The following FGD1 variants were observed in gnomAD, a reference collection of about 807,000 sequenced individuals.
The protein encoded by FGD1 is FYVE, RhoGEF and PH domain containing 1, also known as FYVE, RhoGEF and PH domain-containing protein 1.
FGD1 carries 12 observed loss-of-function variants against 65.0 expected under a neutral mutation model. That is an observed-to-expected ratio of 0.18 (90% confidence interval 0.12 to 0.30). The LOEUF (loss-of-function observed/expected upper bound fraction) is 0.30, where lower values mean the gene tolerates loss of function less well. Ranked by LOEUF, FGD1 falls within the 10% of genes least tolerant of loss-of-function variation. The pLI is 1.00. For synonymous variants in FGD1, 333 were observed against 343.9 expected (o/e 0.97, Z 0.35); for missense variants, 542 against 837.6 (o/e 0.65, Z 4.36).
chrX:54,466,745 T>C (rs1481493917), intron 6 of FGD1, among the ~76,000 whole-genome samples: 1 of 91,773 alleles, frequency 1.1e-5, no homozygotes, highest in Non-Finnish European at 2.0e-5. Flanking sequence ...TGGTACTGTT[T>C]TGTTTGTTTG....
chrX:54,446,046 G>T lies in FGD1; in HGVS notation c.*63C>A. 1.1e-6 allele frequency: 1 copy of T among 932,834 alleles called. No individual in the cohort carries two copies. Among genetic ancestry groups the T allele is most frequent in the South Asian group, 2.2e-5 (1 of 44,690 alleles). The allele number at this position is 932,834 out of a possible 1,213,427, so 76.9% of individuals were successfully genotyped here. On this transcript the variant is annotated 3_prime_UTR_variant, in exon 18 of 18. Coordinates refer to ENST00000375135, the MANE Select transcript of FGD1 (RefSeq NM_004463.3). ...CTGAGCTGGGAGGGAAGGGGCTAGA[G>T]CCCCCAATCAGACATGGGCAACTAG...
At chrX:54,475,262 C>G (rs1176082319) in intron 1 of FGD1, among the ~76,000 whole-genome samples, 1 of 112,216 alleles carries the variant, frequency 8.9e-6, no homozygotes, top group Non-Finnish European at 1.9e-5. Flanking sequence ...GAGATGGAGT[C>G]AGAGAGAGAG....
Position 54,470,294 on chromosome X carries a change from C to G in FGD1, c.823G>C (p.Gly275Arg), listed in dbSNP as rs764821000. 1.7e-6 allele frequency: 2 copies of G among 1,204,175 alleles called. No individual in the cohort carries two copies. The highest frequency in any genetic ancestry group is 4.4e-5 in the Admixed American group (2 of 45,067). The part of the protein sequence containing the change: ...LFLLAPGPRD[G>R]EKVPNRDSGI... ...CTGTCCCGGTTGGGCACCTTCTCACCGTCCCGGGGCCCAGGAGCCAGCAGA... is the reference window on the plus strand; with the variant it reads ...CTGTCCCGGTTGGGCACCTTCTCACGGTCCCGGGGCCCAGGAGCCAGCAGA... Residue 275 changes from glycine (G) to arginine (R), a missense_variant, in exon 4 of 18, where the codon GGT (glycine) becomes CGT (arginine). By Grantham distance (125) the Gly-to-Arg change is moderately radical. Coordinates refer to ENST00000375135, the MANE Select transcript of FGD1 (RefSeq NM_004463.3).
rs1234610583 is a variant in FGD1 at position 54,450,947 on chromosome X, G to A, written c.2016-646C>T. ...GCCTGTAGTCCCAGCTACTCAGGGG[G>A]CTGAGGCATGAGAATCGCTTGAGCC... On this transcript the variant is annotated intron_variant, in intron 12 of 17. Coordinates refer to ENST00000375135, the MANE Select transcript of FGD1 (RefSeq NM_004463.3). Among the ~76,000 whole-genome samples, 8 of 110,143 alleles carry A rather than the reference G, an allele frequency of 7.3e-5. No individual in the cohort carries two copies. In the Admixed American group the frequency reaches 7.7e-4, roughly 11 times the overall value.
intron 8 of FGD1, among the ~76,000 whole-genome samples, chrX:54,462,389 CTTTTTTTTTTTTT>C (rs1158349272): frequency 1.3e-5 from 1 of 79,576 alleles, no homozygotes; most frequent in African/African-American, 4.8e-5. Flanking sequence ...ACTTCCCATT[CTTTTTTTTTTTTT>C]TTTTTTTTGA....
At chrX:54,469,612 A>C (rs1226509575) in intron 4 of FGD1, among the ~76,000 whole-genome samples, 1 of 111,700 alleles carries the variant, frequency 9.0e-6, no homozygotes, top group Non-Finnish European at 1.9e-5. Flanking sequence ...TGGCCCCTAC[A>C]CTTGAGCTTG....
chrX:54,451,733 A>T (rs1922382344), intron 12 of FGD1, among the ~76,000 whole-genome samples: 1 of 106,946 alleles, frequency 9.4e-6, no homozygotes, highest in Non-Finnish European at 1.9e-5. Flanking sequence ...TACTGAAAAT[A>T]CAAAAATTGG....
rs763603363 is a variant in FGD1, at chrX:54,446,185, A to G, written c.2810T>C (p.Met937Thr). The change falls in exon 18 of 18, where the codon ATG becomes ACG. Residue 937 changes from methionine (M) to threonine (T), a missense_variant. Transcript: ENST00000375135. The part of the protein sequence containing the change: ...PGPTLSEDRE[M>T]EEAPVAALGA... ...TAAAGCAGCCACCGGTGCCTCCTCC[A>G]TCTCCCTGTCCTCAGACAGTGTGGG... 3 of 1,209,816 alleles carry G rather than the reference A, an allele frequency of 2.5e-6. No individual in the cohort carries two copies. The African/African-American group carries it at 5.2e-5, about 21-fold the overall frequency.
intron 1 of FGD1, among the ~76,000 whole-genome samples, chrX:54,483,332 A>G (rs1429868392): frequency 8.9e-6 from 1 of 111,973 alleles, no homozygotes; most frequent in Non-Finnish European, 1.9e-5. Flanking sequence ...GGGAGCAGGG[A>G]AGGGGCTGGA....
intron 8 of FGD1, among the ~76,000 whole-genome samples, chrX:54,458,346 G>A (rs760053325): frequency 1.8e-5 from 2 of 110,171 alleles, no homozygotes; most frequent in East Asian, 5.7e-4. Flanking sequence ...TTCAAGACCA[G>A]CCTGGCCAAC....
chrX:54,466,951 G>A (rs1316666113), intron 6 of FGD1, among the ~76,000 whole-genome samples: 1 of 110,028 alleles, frequency 9.1e-6, no homozygotes, highest in African/African-American at 3.3e-5. Flanking sequence ...GGATTTTACC[G>A]TGTTAGCCAG....
chrX:54,449,102 C>G (rs201698944), intron 15 of FGD1, 41 bp downstream of exon 15: 10 of 1,210,144 alleles, frequency 8.3e-6, no homozygotes, highest in African/African-American at 1.7e-5. Context: ...GGCTGCCATT[C>G]TGTCCCCTCC....
At chrX:54,454,654 A>G (rs1468427780) in intron 12 of FGD1, among the ~76,000 whole-genome samples, 1 of 108,923 alleles carries the variant, frequency 9.2e-6, no homozygotes, top group Non-Finnish European at 1.9e-5. Context: ...TTAAAAAAAA[A>G]AAAAAAAAAA....
In FGD1 at chrX:54,465,720, A is replaced by G. The variant is rs1420807524; in HGVS notation, c.1473T>C (p.Phe491=). 1 of 1,211,264 alleles carries G rather than the reference A, an allele frequency of 8.3e-7. No homozygotes were observed. Among genetic ancestry groups the G allele is most frequent in the South Asian group, 1.8e-5 (1 of 56,946 alleles). The part of the protein sequence containing the change: ...VNTWTERSTQ[F]KVIIHEVQKE... ...CCTGCACCTCATGGATGATGACTTT[A>G]AACTGGGTGGAGCGCTCTGTCCAGG... Residue 491 remains phenylalanine, a synonymous_variant, in exon 7 of 18, where the codon TTT becomes TTC. Transcript: ENST00000375135.
At position 54,446,184 on chromosome X, in the gene FGD1, C is replaced by A. The variant is rs760250901; in HGVS notation, c.2811G>T (p.Met937Ile). 8.3e-7 allele frequency: 1 copy of A among 1,211,445 alleles called. No homozygotes were observed. The highest frequency in any genetic ancestry group is 1.1e-6 in the Non-Finnish European group (1 of 895,261). Residue 937 changes from methionine to isoleucine, a missense_variant, in exon 18 of 18, where the codon ATG (methionine) becomes ATT (isoleucine). By Grantham distance (10) the Met-to-Ile change is conservative. This residue lies in a region of FGD1 where 182 missense variants were observed against 311.4 expected (regional missense o/e 0.58). Coordinates refer to ENST00000375135, the MANE Select transcript of FGD1 (RefSeq NM_004463.3). ...PGPTLSEDRE[M>I]EEAPVAALGA... ...CTAAAGCAGCCACCGGTGCCTCCTC[C>A]ATCTCCCTGTCCTCAGACAGTGTGG...
chrX:54,486,535 T>G (rs1329860052), intron 1 of FGD1, among the ~76,000 whole-genome samples: 2 of 109,062 alleles, frequency 1.8e-5, no homozygotes, highest in Non-Finnish European at 3.8e-5. Context: ...CATGAGCCAC[T>G]GCGCCTGGCT....
intron 2 of FGD1, among the ~76,000 whole-genome samples, 170 bp downstream of exon 2, chrX:54,471,144 A>C (rs1019423939): frequency 9.0e-6 from 1 of 111,612 alleles, no homozygotes; most frequent in African/African-American, 3.3e-5. Flanking sequence ...CAGTATGCAC[A>C]CATTAGCCTC....
Position 54,477,544 on chromosome X carries a change from C to T in FGD1, c.308-6057G>A, listed in dbSNP as rs190566223. ...TCCTGGGTTCAAGCAATTCTCCTGC[C>T]TCAGCTTCCCGAATAGCTGAGATTA... is the stretch of plus-strand genomic sequence containing the variant. On this transcript the variant is annotated intron_variant, in intron 1 of 17. Coordinates refer to ENST00000375135, the MANE Select transcript of FGD1 (RefSeq NM_004463.3). Among the ~76,000 whole-genome samples the T allele has an allele frequency of 6.5e-3, 711 of 109,703 alleles. 3 individuals are homozygous for T. Among genetic ancestry groups the T allele is most frequent in the Admixed American group, 0.011 (114 of 10,258 alleles).
rs1191275887 is a variant in FGD1, at chrX:54,448,831, G to T, written c.2411C>A (p.Pro804His). The change falls in exon 16 of 18, where the codon CCC (proline) becomes CAC (histidine). Residue 804 changes from proline to histidine, a missense_variant. By Grantham distance (77) the Pro-to-His change is moderately conservative (BLOSUM62 -2). Coordinates refer to ENST00000375135, the MANE Select transcript of FGD1 (RefSeq NM_004463.3). ...GSSPACSQHTPQRRRSILEKQ... is the reference protein window; with the variant it reads ...GSSPACSQHTHQRRRSILEKQ... ...CTCCAGGATGGACCTCCGGCGCTGG[G>T]GTGTATGCTGGCTGCAGGCTGGACT... 8.3e-7 allele frequency: 1 copy of T among 1,211,556 alleles called. No individual in the cohort carries two copies. The highest frequency in any genetic ancestry group is 1.1e-6 in the Non-Finnish European group (1 of 895,447).
Sources: allele counts gnomAD v4.1 joint callset (sites outside exome capture counted in the v4.1 genomes callset), GRCh38; gene constraint gnomAD v4.1.1; regional missense constraint gnomAD v4.1.1; transcripts MANE v1.5; gene names NCBI Gene and HGNC (gene_info 2026-07-23, HGNC 2026-07-21).